Variants in PDE1C observed in about 807,000 individuals in gnomAD.
PDE1C encodes the protein phosphodiesterase 1C, also known as dual specificity calcium/calmodulin-dependent 3',5'-cyclic nucleotide phosphodiesterase 1C.
In PDE1C, 62 loss-of-function variants were observed where a neutral mutation model predicts 93.1. The observed-to-expected ratio is 0.67, with a 90% CI of 0.54 to 0.82. PDE1C has a LOEUF of 0.82. Ranked by LOEUF, PDE1C falls within the 40% of genes least tolerant of loss-of-function variation. The probability of loss-of-function intolerance (pLI) is 0.00; values close to 1 mark genes in which losing one functional copy is unlikely to be tolerated. For missense variants in PDE1C, 742 were observed against 884.6 expected (o/e 0.84, Z 2.04); for synonymous variants, 325 against 310.1 (o/e 1.05, Z -0.50).
At chr7:32,328,951 G>A (rs1280214167) in intron 1 of PDE1C, among the ~76,000 whole-genome samples, 1 of 152,110 alleles carries the variant, frequency 6.6e-6, no homozygotes, top group Non-Finnish European at 1.5e-5. Flanking sequence ...TAGTATTGCT[G>A]GCCAGGCGTG....
chr7:32,072,558 T>A (rs759506807), upstream of PDE1C, among the ~76,000 whole-genome samples: 1 of 152,216 alleles, frequency 6.6e-6, no homozygotes. Flanking sequence ...AAATGGGGTA[T>A]TTCCATTAGT....
intron 2 of PDE1C, among the ~76,000 whole-genome samples, chr7:31,958,089 C>CATT (rs1808404555): frequency 6.6e-6 from 1 of 152,160 alleles, no homozygotes; most frequent in Admixed American, 6.5e-5. Flanking sequence ...TTACAGCTAA[C>CATT]ATTACATAAA....
intron 9 of PDE1C, among the ~76,000 whole-genome samples, chr7:31,845,498 G>A (rs1445435198): frequency 6.6e-6 from 1 of 151,974 alleles, no homozygotes; most frequent in Non-Finnish European, 1.5e-5. Flanking sequence ...TGGACACAAG[G>A]AGGGAAACAT....
chr7:32,251,877 T>G (rs1042721952), intron 1 of PDE1C, among the ~76,000 whole-genome samples: 3 of 152,188 alleles, frequency 2.0e-5, no homozygotes, highest in Non-Finnish European at 4.4e-5. Context: ...TCACCTGCTA[T>G]TCCCCTCCTC....
chr7:32,317,446 T>C (rs1203355174), intron 1 of PDE1C, among the ~76,000 whole-genome samples: 1 of 152,082 alleles, frequency 6.6e-6, no homozygotes, highest in Non-Finnish European at 1.5e-5. Flanking sequence ...TCTCTTTGTC[T>C]ACTGAGAGGG....
intron 2 of PDE1C, among the ~76,000 whole-genome samples, chr7:32,191,454 G>A (rs1804225453): frequency 1.3e-5 from 2 of 151,336 alleles, no homozygotes; most frequent in African/African-American, 4.9e-5. Flanking sequence ...GTGTCATCTC[G>A]AGAATGTTAT....
intron 2 of PDE1C, among the ~76,000 whole-genome samples, chr7:32,205,776 G>A (rs772927703): frequency 5.3e-5 from 8 of 152,096 alleles, no homozygotes; most frequent in Non-Finnish European, 1.2e-4. Context: ...GCAACCCCAA[G>A]GAAAACAACT....
intron 1 of PDE1C, among the ~76,000 whole-genome samples, chr7:32,426,274 CTTTTT>C (rs11332404): frequency 2.2e-5 from 3 of 138,752 alleles, no homozygotes; most frequent in Non-Finnish European, 3.1e-5. Flanking sequence ...TATATTTGTA[CTTTTT>C]TTTTTTTTTT....
At chr7:31,676,022 A>G in the PDE1C span, among the ~76,000 whole-genome samples, 1 of 152,158 alleles carries the variant, frequency 6.6e-6, no homozygotes, top group Non-Finnish European at 1.5e-5. Context: ...AAACATGTTA[A>G]TGCCTTGTTA....
At chr7:32,096,855 A>ATAGATAGATAGATAGG (rs1272752554) in intron 3 of PDE1C, among the ~76,000 whole-genome samples, 5 of 151,672 alleles carry the variant, frequency 3.3e-5, no homozygotes, top group African/African-American at 9.7e-5. Context: ...AGATAGATAG[A>ATAGATAGATAGATAGG]TAGATAGACA....
chr7:31,658,150 A>G, the PDE1C span: 1 of 757,760 alleles, frequency 1.3e-6, no homozygotes, highest in Non-Finnish European at 1.9e-6. Context: ...GCTCTGAACC[A>G]CAGTGTATGC....
At chr7:31,796,350 A>G (rs12056227) in intron 16 of PDE1C, among the ~76,000 whole-genome samples, 78,866 of 151,256 alleles carry the variant, frequency 0.52, 22,743 homozygotes, top group Non-Finnish European at 0.64. Context: ...TGCTATTTTC[A>G]TACTACAAAC....
At chr7:32,080,189 G>A (rs923875690) in intron 3 of PDE1C, among the ~76,000 whole-genome samples, 4 of 152,044 alleles carry the variant, frequency 2.6e-5, no homozygotes, top group African/African-American at 9.7e-5. Flanking sequence ...GGCGGGTGGG[G>A]ACAACAGAAA....
intron 1 of PDE1C, among the ~76,000 whole-genome samples, chr7:32,212,074 A>C (rs1033100474): frequency 1.3e-5 from 2 of 151,692 alleles, no homozygotes; most frequent in Non-Finnish European, 2.9e-5. Context: ...AAAGAAATAG[A>C]TCCAGGGTTT....
chr7:32,339,010 GCACACACACACACACA>G (rs57740255), intron 1 of PDE1C, among the ~76,000 whole-genome samples: 2 of 138,540 alleles, frequency 1.4e-5, no homozygotes, highest in East Asian at 2.1e-4. Flanking sequence ...CTCAAAAAAA[GCACACACACACACACA>G]CACACACACA....
chr7:31,775,138 A>G (rs948405136), intron 17 of PDE1C, among the ~76,000 whole-genome samples: 7 of 152,208 alleles, frequency 4.6e-5, no homozygotes, highest in African/African-American at 1.4e-4. Context: ...GAGGTCATAC[A>G]TGCCTTCCAT....
intron 1 of PDE1C, among the ~76,000 whole-genome samples, chr7:32,413,867 C>A (rs1266926473): frequency 1.3e-5 from 2 of 152,012 alleles, no homozygotes; most frequent in African/African-American, 4.8e-5. Flanking sequence ...AAGTTTATCA[C>A]AGAATTGTTT....
chr7:31,931,251 G>A (rs1421960072), intron 2 of PDE1C, among the ~76,000 whole-genome samples: 1 of 152,162 alleles, frequency 6.6e-6, no homozygotes, highest in African/African-American at 2.4e-5. Flanking sequence ...AATCAAGCAA[G>A]AGAAAGAAAG....
At chr7:31,931,597 A>G (rs777785479) in intron 2 of PDE1C, among the ~76,000 whole-genome samples, 1 of 152,234 alleles carries the variant, frequency 6.6e-6, no homozygotes, top group Non-Finnish European at 1.5e-5. Context: ...GAGCACACAA[A>G]CAAATGGAAA....
Sources: gnomAD v4.1 joint callset for allele counts (sites outside exome capture counted in the v4.1 genomes callset) on GRCh38, gnomAD v4.1.1 for gene constraint, MANE v1.5 for transcripts, NCBI Gene and HGNC (gene_info 2026-07-23, HGNC 2026-07-21) for gene names.